Variants in PTPRQ observed in about 807,000 individuals in gnomAD.
PTPRQ encodes phosphatidylinositol phosphatase PTPRQ.
In PTPRQ, 199 loss-of-function variants were observed where a neutral mutation model predicts 246.0. That is an observed-to-expected ratio of 0.81 (90% CI 0.72 to 0.91). The LOEUF (loss-of-function observed/expected upper bound fraction) is 0.91. PTPRQ is among the 40% of genes least tolerant of loss of function. PTPRQ has a pLI of 0.00. For missense variants in PTPRQ, 2,624 were observed against 2,528.4 expected (o/e 1.04, Z -0.81); for synonymous variants, 869 against 853.2 (o/e 1.02, Z -0.32).
At chr12:80,644,988 A>G (rs1900017695) in intron 35 of PTPRQ, among the ~76,000 whole-genome samples, 4 of 152,110 alleles carry the variant, frequency 2.6e-5, no homozygotes. Context: ...TTCAACTCAC[A>G]AATGATTGTG....
At chr12:80,649,077 T>C (rs1352878709) in intron 36 of PTPRQ, among the ~76,000 whole-genome samples, 154 bp downstream of exon 36, 2 of 152,160 alleles carry the variant, frequency 1.3e-5, no homozygotes, top group Non-Finnish European at 2.9e-5. Context: ...AATTGCATGG[T>C]AACTGGAGAA....
At position 80,552,216 on chromosome 12, in the gene PTPRQ, A is replaced by G. The variant is rs1896495621; in HGVS notation, c.4285+2482A>G. 3.3e-5 allele frequency among the ~76,000 whole-genome samples: 5 copies of G among 152,184 alleles called. No individual in the cohort carries two copies. The South Asian group carries it at 1.0e-3, about 32-fold the overall frequency. ...TGTCAGAAAGGTCCATCAAGGGGTG[A>G]CAGGTGTTTTCCCAGTGGGTGGCCA... On this transcript the variant is annotated intron_variant, in intron 25 of 44. Transcript: ENST00000644991.
chr12:80,661,803 C>A (rs556412721), intron 39 of PTPRQ, among the ~76,000 whole-genome samples: 4 of 151,770 alleles, frequency 2.6e-5, no homozygotes, highest in Non-Finnish European at 5.9e-5. Context: ...TTTTTGGAAA[C>A]CTTTACATTT....
intron 19 of PTPRQ, among the ~76,000 whole-genome samples, 167 bp from the exon 20 acceptor site, chr12:80,539,608 AT>A (rs1896089245): frequency 6.6e-6 from 1 of 152,052 alleles, no homozygotes; most frequent in Admixed American, 6.6e-5. Context: ...GTACAAACAT[AT>A]TTCCAGTTTA....
chr12:80,475,491 A>G (rs1023931313), intron 8 of PTPRQ, among the ~76,000 whole-genome samples: 1 of 152,068 alleles, frequency 6.6e-6, no homozygotes, highest in Non-Finnish European at 1.5e-5. Flanking sequence ...ATGCTGAACC[A>G]TGAATAATTG....
At chr12:80,478,330 G>A (rs1320543037) in intron 8 of PTPRQ, among the ~76,000 whole-genome samples, 1 of 151,700 alleles carries the variant, frequency 6.6e-6, no homozygotes, top group Non-Finnish European at 1.5e-5. Context: ...CTGTCTGTTA[G>A]AAGGAAAACT....
chr12:80,471,474 A>ATTTTTTTTTTTTT lies in PTPRQ; in HGVS notation c.1040-626_1040-614dup, dbSNP rs1176393485. 1.9e-4 allele frequency among the ~76,000 whole-genome samples: 14 copies of ATTTTTTTTTTTTT among 73,210 alleles called. 3 individuals are homozygous for ATTTTTTTTTTTTT. Among genetic ancestry groups the ATTTTTTTTTTTTT allele is most frequent in the African/African-American group, 5.9e-4 (10 of 16,872 alleles). 48.0% of individuals were successfully genotyped at this position (73,210 alleles called of 152,430 possible). On this transcript the variant is annotated intron_variant, in intron 7 of 44. Transcript: ENST00000644991. ...ATAGAAGATAATGAAATTATTTAGC[A>ATTTTTTTTTTTTT]TTTTTTTTTTTTTTTTTATTTGAGA...
chr12:80,638,476 C>T (rs962274449), intron 35 of PTPRQ, among the ~76,000 whole-genome samples: 1 of 152,030 alleles, frequency 6.6e-6, no homozygotes, highest in African/African-American at 2.4e-5. Flanking sequence ...TAGGAAGTTA[C>T]CAACTAGGCA....
At position 80,622,119 on chromosome 12, in the gene PTPRQ, C is replaced by A. The variant is rs1899016887; in HGVS notation, c.5671C>A (p.Pro1891Thr). The part of the protein sequence containing the change: ...GQFTDSDYSD[P>T]VKTLGEGLSE... ...ATTTACTGACTCTGATTATTCTGAC[C>A]CTGTTAAGACTTTAGGTAAGACATT... Residue 1891 changes from proline (P) to threonine (T), a missense_variant, in exon 33 of 45, where the codon CCT (proline) becomes ACT (threonine). Physicochemically the swap from Pro to Thr is conservative, Grantham distance 38. Transcript: ENST00000644991. 2.8e-6 allele frequency: 4 copies of A among 1,431,696 alleles called. No individual in the cohort carries two copies. Among genetic ancestry groups the A allele is most frequent in the South Asian group, 1.6e-5 (1 of 64,134 alleles). The allele number at this position is 1,431,696 out of a possible 1,614,324, so 88.7% of individuals were successfully genotyped here.
At position 80,510,305 on chromosome 12, in the gene PTPRQ, T is replaced by G. The variant is rs1163222169; in HGVS notation, c.2558-18T>G. ...ATATGTTTAATAAAACACATTATTC[T>G]ATACCCTAACTTTACAGCTCCTGAT... On this transcript the variant is annotated intron_variant, in intron 16 of 44. Coordinates refer to ENST00000644991, the MANE Select transcript of PTPRQ (RefSeq NM_001145026.2). The G allele has an allele frequency of 1.7e-5, 26 of 1,531,300 alleles. No homozygotes were observed. The highest frequency in any genetic ancestry group is 2.2e-5 in the Non-Finnish European group (25 of 1,138,570). The allele number at this position is 1,531,300 out of a possible 1,614,324, so 94.9% of individuals were successfully genotyped here.
At chr12:80,516,969 T>C (rs1895319424) in intron 17 of PTPRQ, among the ~76,000 whole-genome samples, 1 of 152,016 alleles carries the variant, frequency 6.6e-6, no homozygotes, top group Non-Finnish European at 1.5e-5. Flanking sequence ...GAAATACAGA[T>C]AGATGGAGCG....
At chr12:80,576,881 C>A (rs1256630395) in intron 25 of PTPRQ, among the ~76,000 whole-genome samples, 3 of 152,176 alleles carry the variant, frequency 2.0e-5, no homozygotes, top group African/African-American at 7.2e-5. Flanking sequence ...AGATATGAAG[C>A]TAACATTTTA....
chr12:80,472,247 A>G lies in PTPRQ; in HGVS notation c.1182A>G (p.Pro394=). Residue 394 remains proline, a synonymous_variant, in exon 8 of 45, where the codon CCA becomes CCG. Coordinates refer to ENST00000644991, the MANE Select transcript of PTPRQ (RefSeq NM_001145026.2). The stretch of plus-strand genomic sequence containing the variant: ...CAAATATTTCAGTATTCACTCCACC[A>G]GATGGTAAGAACATAGGGAATGAGT... ...PKSNISVFTP[P]DVPGAVFDLQ... 6.4e-7 allele frequency: 1 copy of G among 1,551,498 alleles called. No homozygotes were observed. The highest frequency in any genetic ancestry group is 8.7e-7 in the Non-Finnish European group (1 of 1,146,924).
chr12:80,620,185 T>A lies in PTPRQ; in HGVS notation c.5421T>A (p.Tyr1807Ter). Residue 1807 changes from tyrosine to a stop codon, truncating the protein, a stop_gained, in exon 32 of 45, where the codon TAT becomes TAA. Transcript: ENST00000644991. LOFTEE classifies it high-confidence loss of function. Reference protein sequence around the residue: ...AQHDGNVTKWYDAYFNKARPY... With the variant: ...AQHDGNVTKW ...ATGATGGAAATGTAACAAAGTGGTATGATGCATATTTTAATAAAGCAAGGC... is the reference window on the plus strand; with the variant it reads ...ATGATGGAAATGTAACAAAGTGGTAAGATGCATATTTTAATAAAGCAAGGC... The A allele has an allele frequency of 6.5e-7, 1 of 1,548,292 alleles. No individual in the cohort carries two copies. The highest frequency in any genetic ancestry group is 8.7e-7 in the Non-Finnish European group (1 of 1,144,902).
chr12:80,444,852 G>C lies in PTPRQ; in HGVS notation c.163+3G>C. 6.6e-7 allele frequency: 1 copy of C among 1,519,480 alleles called. No homozygotes were observed. Among genetic ancestry groups the C allele is most frequent in the Non-Finnish European group, 8.9e-7 (1 of 1,127,786 alleles). The allele number at this position is 1,519,480 out of a possible 1,614,324, so 94.1% of individuals were successfully genotyped here. The stretch of plus-strand genomic sequence containing the variant: ...AATAGTGACAACAAATGTAACAAGT[G>C]AGTATATGTTTTAAATTACTTTGTA... On this transcript the variant is annotated splice_donor_region_variant and intron_variant, in intron 2 of 44. Transcript: ENST00000644991.
At chr12:80,637,736 A>G (rs1338880895) in intron 35 of PTPRQ, among the ~76,000 whole-genome samples, 1 of 152,320 alleles carries the variant, frequency 6.6e-6, no homozygotes, top group African/African-American at 2.4e-5. Flanking sequence ...AAAAATAACA[A>G]ATATAATTAG....
At chr12:80,608,365 A>T (rs977806299) in intron 27 of PTPRQ, among the ~76,000 whole-genome samples, 1 of 150,512 alleles carries the variant, frequency 6.6e-6, no homozygotes, top group Non-Finnish European at 1.5e-5. Context: ...AACAACAACA[A>T]AGGTGTAGTA....
In PTPRQ at chr12:80,444,342, A is replaced by G; in HGVS notation, c.-4A>G. ...GATTCTACTGGCTGAAAAATGTAAT[A>G]AAGATGGATTTTCTTATCATTTTTC... On this transcript the variant is annotated 5_prime_UTR_variant, in exon 1 of 45. It adds an upstream start codon to the 5' untranslated region. Coordinates refer to ENST00000644991, the MANE Select transcript of PTPRQ (RefSeq NM_001145026.2). The G allele has an allele frequency of 7.0e-7, 1 of 1,422,090 alleles. No individual in the cohort carries two copies. The highest frequency in any genetic ancestry group is 9.7e-7 in the Non-Finnish European group (1 of 1,032,534). 88.1% of individuals were successfully genotyped at this position (1,422,090 alleles called of 1,614,324 possible). A position where few individuals can be genotyped will look rare whatever the true frequency, so the allele number is the denominator to read the frequency against.
Position 80,652,836 on chromosome 12 carries a change from T to C in PTPRQ, c.6115+2T>C. On this transcript the variant is annotated splice_donor_variant, in intron 38 of 44. Coordinates refer to ENST00000644991, the MANE Select transcript of PTPRQ (RefSeq NM_001145026.2). LOFTEE classifies it high-confidence loss of function. ...ACCGCTTCCCAAACATAAAACCATG[T>C]ATGTGCATTTGTTGGTTTTGGTTTA... is the stretch of plus-strand genomic sequence containing the variant. 6.7e-7 allele frequency: 1 copy of C among 1,488,074 alleles called. No individual in the cohort carries two copies. The highest frequency in any genetic ancestry group is 8.9e-7 in the Non-Finnish European group (1 of 1,120,020). The allele number at this position is 1,488,074 out of a possible 1,614,324, so 92.2% of individuals were successfully genotyped here.
Sources: allele counts gnomAD v4.1 joint callset (sites outside exome capture counted in the v4.1 genomes callset), GRCh38; gene constraint gnomAD v4.1.1; transcripts MANE v1.5; gene names NCBI Gene and HGNC (gene_info 2026-07-23, HGNC 2026-07-21).